Variants in ADCY1 observed in about 807,000 individuals in gnomAD.
The protein encoded by ADCY1 is adenylate cyclase 1.
Under a neutral mutation model 105.4 loss-of-function variants are expected in ADCY1, and 28 were observed. The ratio of observed to expected loss-of-function variants is 0.27; its 90% CI spans 0.20 to 0.36. The LOEUF is 0.36. Ranked by LOEUF, ADCY1 falls within the 10% of genes least tolerant of loss-of-function variation. The probability of loss-of-function intolerance (pLI) is 1.00; values close to 1 mark genes in which losing one functional copy is unlikely to be tolerated. For missense variants in ADCY1, 977 were observed against 1,434.2 expected, an observed-to-expected ratio of 0.68 and a Z score of 5.15; for synonymous variants, 655 against 623.8, an observed-to-expected ratio of 1.05 and a Z score of -0.75.
chr7:45,624,559 G>T (rs1793997771), intron 4 of ADCY1, among the ~76,000 whole-genome samples: 1 of 152,180 alleles, frequency 6.6e-6, no homozygotes, highest in Admixed American at 6.5e-5. Context: ...ATTCCCCACA[G>T]GAATTTTTGT....
At chr7:45,665,432 C>T (rs1433922314) in intron 8 of ADCY1, among the ~76,000 whole-genome samples, 1 of 152,250 alleles carries the variant, frequency 6.6e-6, no homozygotes, top group Non-Finnish European at 1.5e-5. Context: ...CGTCTCTATT[C>T]CAGTTTCCTA....
At chr7:45,640,881 T>G in intron 4 of ADCY1, among the ~76,000 whole-genome samples, 1 of 152,220 alleles carries the variant, frequency 6.6e-6, no homozygotes, top group East Asian at 1.9e-4. Context: ...GAATTTCCCT[T>G]GAAGGAACTC....
Position 45,719,906 on chromosome 7 carries a change from T to G in ADCY1, c.*5911T>G, listed in dbSNP as rs541012721. ...ACATCAAGTCAACTTTATCATCTAC[T>G]ACATCAGCACTGAAGTCCAGGGGCA... is the stretch of plus-strand genomic sequence containing the variant. On this transcript the variant is annotated 3_prime_UTR_variant, in exon 20 of 20. Coordinates refer to ENST00000297323, the MANE Select transcript of ADCY1 (RefSeq NM_021116.4). 1 of 152,312 alleles carries G rather than the reference T, an allele frequency of 6.6e-6. No homozygotes were observed. Among genetic ancestry groups the G allele is most frequent in the South Asian group, 2.1e-4 (1 of 4,822 alleles). 9.4% of individuals were successfully genotyped at this position (152,312 alleles called of 1,614,324 possible). A position where few individuals can be genotyped will look rare whatever the true frequency, so the allele number is the denominator to read the frequency against.
In ADCY1 at chr7:45,721,799, C is replaced by T. The variant is rs1287477707; in HGVS notation, c.*7804C>T. ...ACCAGAGCACATGTGCTCTGACCCTCTCCTGGGCATTGGTTCCTGCTGGTA... is the reference window on the plus strand; with the variant it reads ...ACCAGAGCACATGTGCTCTGACCCTTTCCTGGGCATTGGTTCCTGCTGGTA... On this transcript the variant is annotated 3_prime_UTR_variant, in exon 20 of 20. Coordinates refer to ENST00000297323, the MANE Select transcript of ADCY1 (RefSeq NM_021116.4). 5.0e-6 allele frequency: 2 copies of T among 398,492 alleles called. No homozygotes were observed. The highest frequency in any genetic ancestry group is 8.8e-6 in the Non-Finnish European group (2 of 226,096). The allele number at this position is 398,492 out of a possible 1,614,324, so 24.7% of individuals were successfully genotyped here.
intron 4 of ADCY1, among the ~76,000 whole-genome samples, chr7:45,632,814 C>T (rs1794294509): frequency 6.6e-6 from 1 of 152,056 alleles, no homozygotes; most frequent in Non-Finnish European, 1.5e-5. Flanking sequence ...AAGAGATACT[C>T]TCGCCTTGGC....
chr7:45,644,865 G>A (rs1794618324), intron 4 of ADCY1, among the ~76,000 whole-genome samples: 1 of 152,208 alleles, frequency 6.6e-6, no homozygotes, highest in Non-Finnish European at 1.5e-5. Context: ...ACAAAATAAA[G>A]CAATATATTC....
intron 11 of ADCY1, among the ~76,000 whole-genome samples, chr7:45,683,307 G>A (rs113352569): frequency 6.3e-4 from 96 of 152,114 alleles, no homozygotes; most frequent in African/African-American, 2.1e-3. Context: ...CAGCCAAACC[G>A]TTGTCCACAG....
intron 19 of ADCY1, among the ~76,000 whole-genome samples, chr7:45,711,743 AC>A (rs1448249867): frequency 7.0e-6 from 1 of 143,004 alleles, no homozygotes; most frequent in Non-Finnish European, 1.5e-5. Context: ...GTGTATATAT[AC>A]GTGTGTGTAT....
chr7:45,618,931 A>C (rs1022517016), intron 3 of ADCY1, among the ~76,000 whole-genome samples: 1 of 152,230 alleles, frequency 6.6e-6, no homozygotes, highest in Admixed American at 6.5e-5. Flanking sequence ...TTGCAGCACT[A>C]TTCACAGTAA....
rs868147460 is a variant in ADCY1, at chr7:45,581,407, C to G, written c.639+6225C>G. 9.2e-5 allele frequency among the ~76,000 whole-genome samples: 14 copies of G among 152,262 alleles called. No homozygotes were observed. The Middle Eastern group carries it at 0.01, about 111-fold the overall frequency. ...CTTGATCAAATGTTGGGAGAGACTC[C>G]CAGAATGCAGGTGGCAGGCATAGTC... On this transcript the variant is annotated intron_variant, in intron 1 of 19. Transcript: ENST00000297323.
Position 45,575,238 on chromosome 7 carries a change from C to G in ADCY1, c.639+56C>G. Reference sequence around the variant, plus strand: ...CTCGGACACACTTGCTGGGACGATGCTGGGAATGCCCGGAGTCGGGCGCGC... The same window carrying G: ...CTCGGACACACTTGCTGGGACGATGGTGGGAATGCCCGGAGTCGGGCGCGC... On this transcript the variant is annotated intron_variant, in intron 1 of 19. Transcript: ENST00000297323. The surrounding 1 kb of genome is among the most constrained non-coding windows in gnomAD (Gnocchi z 4.7). The G allele has an allele frequency of 6.6e-7, 1 of 1,515,446 alleles. No homozygotes were observed. Among genetic ancestry groups the G allele is most frequent in the Non-Finnish European group, 8.8e-7 (1 of 1,138,462 alleles). 93.9% of individuals were successfully genotyped at this position (1,515,446 alleles called of 1,614,324 possible). A position where few individuals can be genotyped will look rare whatever the true frequency, so the allele number is the denominator to read the frequency against.
Position 45,715,615 on chromosome 7 carries a change from C to A in ADCY1, c.*1620C>A. 6.5e-6 allele frequency: 1 copy of A among 152,800 alleles called. No homozygotes were observed. The highest frequency in any genetic ancestry group is 1.5e-5 in the Non-Finnish European group (1 of 68,426). The allele number at this position is 152,800 out of a possible 1,614,324, so 9.5% of individuals were successfully genotyped here. ...GGCTGCTGCCGTCAGAGGCAGCCCC[C>A]TGCACAGGGAGGGGCTGATCCTGCC... is the stretch of plus-strand genomic sequence containing the variant. On this transcript the variant is annotated 3_prime_UTR_variant, in exon 20 of 20. Transcript: ENST00000297323.
At chr7:45,630,604 T>C (rs2177013) in intron 4 of ADCY1, among the ~76,000 whole-genome samples, 133,998 of 152,168 alleles carry the variant, frequency 0.88, 59,345 homozygotes, top group East Asian at 0.99. Context: ...CATATTGCTG[T>C]GTGTTCCTCT....
At position 45,713,725 on chromosome 7, in the gene ADCY1, G is replaced by A. The variant is rs2293106; in HGVS notation, c.3090G>A (p.Arg1030=). The A allele has an allele frequency of 0.16, 121,291 of 780,528 alleles. 11,205 individuals carry two copies. The highest frequency in any genetic ancestry group is 0.32 in the African/African-American group (18,692 of 59,232). 48.4% of individuals were successfully genotyped at this position (780,528 alleles called of 1,614,324 possible). ...VTEEVHRLLR[R]CPYHFVCRGK... Reference sequence around the variant, plus strand: ...AGGAAGTCCACCGGCTGCTGAGAAGGTGCCCCTACCACTTTGTGTGCCGAG... The same window carrying A: ...AGGAAGTCCACCGGCTGCTGAGAAGATGCCCCTACCACTTTGTGTGCCGAG... Residue 1030 remains arginine, a synonymous_variant, in exon 20 of 20, where the codon AGG becomes AGA. Coordinates refer to ENST00000297323, the MANE Select transcript of ADCY1 (RefSeq NM_021116.4).
At chr7:45,604,279 G>C (rs557607555) in intron 2 of ADCY1, among the ~76,000 whole-genome samples, 42 of 152,210 alleles carry the variant, frequency 2.8e-4, no homozygotes, top group Non-Finnish European at 4.6e-4. Context: ...TTTTGTTTGT[G>C]AATATTTTCT....
At position 45,574,996 on chromosome 7, in the gene ADCY1, G is replaced by C. The variant is rs773187376; in HGVS notation, c.453G>C (p.Gly151=). 1 of 1,611,000 alleles carries C rather than the reference G, an allele frequency of 6.2e-7. No individual in the cohort carries two copies. Among genetic ancestry groups the C allele is most frequent in the South Asian group, 1.1e-5 (1 of 90,954 alleles). Residue 151 remains glycine (G), a synonymous_variant, in exon 1 of 20, where the codon GGG becomes GGC. Coordinates refer to ENST00000297323, the MANE Select transcript of ADCY1 (RefSeq NM_021116.4). The surrounding 1 kb of genome is among the most constrained non-coding windows in gnomAD (Gnocchi z 7.0). The part of the protein sequence containing the change: ...ALGGPARGSA[G]AAGGPATAEQ... ...GCGGCCCCGCCCGGGGTTCCGCCGG[G>C]GCCGCTGGGGGGCCAGCGACCGCCG... is the stretch of plus-strand genomic sequence containing the variant.
chr7:45,668,307 A>G (rs896365328), intron 8 of ADCY1, among the ~76,000 whole-genome samples: 7 of 152,352 alleles, frequency 4.6e-5, no homozygotes, highest in African/African-American at 1.4e-4. Context: ...CATCCCATCA[A>G]TACCTAATTT....
Position 45,622,714 on chromosome 7 carries a change from C to G in ADCY1, c.991C>G (p.Leu331Val). 1 of 1,609,830 alleles carries G rather than the reference C, an allele frequency of 6.2e-7. No individual in the cohort carries two copies. The highest frequency in any genetic ancestry group is 8.5e-7 in the Non-Finnish European group (1 of 1,179,336). ...GGAGCTGGTGAAACTCCTCAATGAG[C>G]TCTTCGGCAAGTTCGATGAATTAGC... ...AQELVKLLNE[L>V]FGKFDELATE... The change falls in exon 4 of 20, where the codon CTC (leucine) becomes GTC (valine). Residue 331 changes from leucine to valine, a missense_variant. Physicochemically the swap from Leu to Val is conservative, Grantham distance 32. This residue lies in a region of ADCY1 where 196 missense variants were observed against 347.8 expected (regional missense o/e 0.56). Coordinates refer to ENST00000297323, the MANE Select transcript of ADCY1 (RefSeq NM_021116.4).
Position 45,686,595 on chromosome 7 carries a change from G to A in ADCY1, c.2376G>A (p.Leu792=). 1 of 1,613,734 alleles carries A rather than the reference G, an allele frequency of 6.2e-7. No individual in the cohort carries two copies. The highest frequency in any genetic ancestry group is 8.5e-7 in the Non-Finnish European group (1 of 1,179,758). ...GCTACGAGCCGATTGTGGCCATCCT[G>A]CTCTTCTCCTGTGCGCTGGCCCTGC... is the stretch of plus-strand genomic sequence containing the variant. The part of the protein sequence containing the change: ...GRSYEPIVAI[L]LFSCALALHA... The change falls in exon 14 of 20, where the codon CTG becomes CTA. Residue 792 remains leucine (L), a synonymous_variant. Transcript: ENST00000297323. The surrounding 1 kb of genome is among the most constrained non-coding windows in gnomAD (Gnocchi z 4.3).
Sources: allele counts gnomAD v4.1 joint callset (sites outside exome capture counted in the v4.1 genomes callset), GRCh38; gene constraint gnomAD v4.1.1; regional missense constraint gnomAD v4.1.1; non-coding constraint Gnocchi (gnomAD v3.1); transcripts MANE v1.5; gene names NCBI Gene and HGNC (gene_info 2026-07-23, HGNC 2026-07-21).